ALLC: variants seen among roughly 807,000 people sequenced by gnomAD.
The protein encoded by ALLC is allantoicase, also known as probable inactive allantoicase.
ALLC carries 40 observed loss-of-function variants against 45.0 expected under a neutral mutation model. That is an observed-to-expected ratio of 0.89 (90% CI 0.69 to 1.16). ALLC has a LOEUF of 1.16. Among genes scored for constraint, ALLC ranks in the 50% most tolerant of loss-of-function variants. The pLI is 0.00. For missense variants in ALLC, 488 were observed against 493.1 expected, an observed-to-expected ratio of 0.99 and a Z score of 0.10; for synonymous variants, 176 against 178.1, an observed-to-expected ratio of 0.99 and a Z score of 0.09.
chr2:3,678,736 G>A (rs751702034), intron 4 of ALLC, among the ~76,000 whole-genome samples, 181 bp downstream of exon 4: 5 of 152,176 alleles, frequency 3.3e-5, no homozygotes, highest in African/African-American at 4.8e-5. Context: ...GCGTGAGCCC[G>A]GGTCACTGAC....
intron 10 of ALLC, among the ~76,000 whole-genome samples, chr2:3,698,056 T>C (rs1243614730): frequency 6.6e-6 from 1 of 151,980 alleles, no homozygotes; most frequent in Non-Finnish European, 1.5e-5. Flanking sequence ...CTCTGCCTCC[T>C]GGGTTCAAGC....
chr2:3,684,172 T>C (rs1460892109), intron 7 of ALLC, among the ~76,000 whole-genome samples: 1 of 152,186 alleles, frequency 6.6e-6, no homozygotes, highest in African/African-American at 2.4e-5. Context: ...TACTAGGCTT[T>C]TCCGAAAGTG....
Position 3,668,566 on chromosome 2 carries a change from C to CTT in ALLC, c.-62-2504_-62-2503dup, listed in dbSNP as rs1173613810. Among the ~76,000 whole-genome samples the CTT allele has an allele frequency of 5.0e-3, 359 of 71,882 alleles. 64 individuals are homozygous for CTT. The highest frequency in any genetic ancestry group is 0.021 in the African/African-American group (288 of 13,664). The allele number at this position is 71,882 out of a possible 152,430, so 47.2% of individuals were successfully genotyped here. A position where few individuals can be genotyped will look rare whatever the true frequency, so the allele number is the denominator to read the frequency against. ...TGTGTAATATGCATAATGTGTATGA[C>CTT]TTTTTTTTTTTTTTTTTTTTTTTTT... On this transcript the variant is annotated intron_variant, in intron 1 of 11. Coordinates refer to ENST00000252505, the MANE Select transcript of ALLC (RefSeq NM_018436.4).
At chr2:3,646,634 G>C in the ALLC span, among the ~76,000 whole-genome samples, 3,112 of 152,306 alleles carry the variant, frequency 0.02, 37 homozygotes, top group Middle Eastern at 0.048. Context: ...CTGGAAGGGA[G>C]CCCGTCAGAG....
At chr2:3,690,623 G>A (rs1558546136) in intron 7 of ALLC, among the ~76,000 whole-genome samples, 1 of 151,114 alleles carries the variant, frequency 6.6e-6, no homozygotes, top group South Asian at 2.1e-4. Context: ...TTAAAGAGAT[G>A]TCAACTCATC....
chr2:3,678,404 A>T, intron 3 of ALLC, 64 bp from the exon 4 acceptor site: 1 of 1,397,584 alleles, frequency 7.2e-7, no homozygotes, highest in East Asian at 2.3e-5. Flanking sequence ...ACAGAAGTGG[A>T]CTTGCTGGAA....
chr2:3,690,240 TCCCCTCCCCTTCCCTTCCCTTCCCTCC>T (rs1667440000), intron 7 of ALLC, among the ~76,000 whole-genome samples: 1 of 92,798 alleles, frequency 1.1e-5, no homozygotes, highest in Non-Finnish European at 2.2e-5. Context: ...TGTTTTCTGA[TCCCCTCCCCTTCCCTTCCCTTCCCTCC>T]CCCCTCCCCT....
chr2:3,648,730 C>T, the ALLC span, among the ~76,000 whole-genome samples: 1 of 152,230 alleles, frequency 6.6e-6, no homozygotes, highest in South Asian at 2.1e-4. Context: ...AACCCCTGTC[C>T]TCCTGCAAAT....
At chr2:3,658,137 T>A (rs1013228512), upstream of ALLC, 1 of 152,306 alleles carries the variant, frequency 6.6e-6, no homozygotes, top group Admixed American at 6.5e-5. Context: ...CTGCAACCCT[T>A]GTGACATCAT....
intron 1 of ALLC, among the ~76,000 whole-genome samples, chr2:3,667,573 T>G (rs1043555862): frequency 2.2e-4 from 33 of 152,216 alleles, no homozygotes; most frequent in African/African-American, 8.0e-4. Flanking sequence ...TCCTTTTCAC[T>G]TGTAGCATGT....
chr2:3,670,412 C>A (rs953138173), intron 1 of ALLC, among the ~76,000 whole-genome samples: 1 of 152,200 alleles, frequency 6.6e-6, no homozygotes, highest in Non-Finnish European at 1.5e-5. Context: ...GCTCTGGGGT[C>A]AGGCCAGACT....
At chr2:3,646,588 G>A in the ALLC span, among the ~76,000 whole-genome samples, 6 of 152,236 alleles carry the variant, frequency 3.9e-5, no homozygotes, top group African/African-American at 1.4e-4. Flanking sequence ...AGGGAATGAT[G>A]TACAGCTGGA....
At chr2:3,683,581 A>C (rs1472811130) in intron 7 of ALLC, among the ~76,000 whole-genome samples, 2 of 152,088 alleles carry the variant, frequency 1.3e-5, no homozygotes, top group African/African-American at 2.4e-5. Context: ...AGCAACCACT[A>C]ATTTGCTTTT....
chr2:3,685,700 A>G (rs749550839), intron 7 of ALLC, among the ~76,000 whole-genome samples: 1 of 150,940 alleles, frequency 6.6e-6, no homozygotes, highest in African/African-American at 2.4e-5. Context: ...ATGACATTTC[A>G]TTGTGGTTTT....
At chr2:3,683,257 G>T (rs1289531306) in intron 7 of ALLC, among the ~76,000 whole-genome samples, 183 bp downstream of exon 7, 1 of 152,130 alleles carries the variant, frequency 6.6e-6, no homozygotes, top group Non-Finnish European at 1.5e-5. Flanking sequence ...ATCAATAGGT[G>T]GTTATTGAAA....
chr2:3,669,399 A>T (rs1204006204), intron 1 of ALLC, among the ~76,000 whole-genome samples: 2 of 151,976 alleles, frequency 1.3e-5, no homozygotes, highest in African/African-American at 4.8e-5. Flanking sequence ...GCTTGAACCC[A>T]GGAGGCGGCG....
intron 10 of ALLC, among the ~76,000 whole-genome samples, chr2:3,697,668 T>TATCTA (rs749943343): frequency 1.3e-5 from 2 of 150,640 alleles, no homozygotes; most frequent in South Asian, 4.2e-4. Flanking sequence ...TCTATCTATC[T>TATCTA]TTTATTTATT....
chr2:3,674,997 T>C (rs1157398587), intron 3 of ALLC, among the ~76,000 whole-genome samples: 1 of 152,200 alleles, frequency 6.6e-6, no homozygotes, highest in African/African-American at 2.4e-5. Flanking sequence ...ACATTCATTC[T>C]GGTATTGTTT....
At chr2:3,700,997 G>A (rs1667812325) in intron 10 of ALLC, among the ~76,000 whole-genome samples, 1 of 152,136 alleles carries the variant, frequency 6.6e-6, no homozygotes, top group Admixed American at 6.5e-5. Flanking sequence ...AGAATCTCAG[G>A]ACCATATACT....
Sources: gnomAD v4.1 joint callset for allele counts (sites outside exome capture counted in the v4.1 genomes callset) on GRCh38, gnomAD v4.1.1 for gene constraint, MANE v1.5 for transcripts, NCBI Gene and HGNC (gene_info 2026-07-23, HGNC 2026-07-21) for gene names.